Variants in BRCA2 observed in about 807,000 individuals in gnomAD.
The protein encoded by BRCA2 is BRCA2 DNA repair associated.
In BRCA2, 203 loss-of-function variants were observed where a neutral mutation model predicts 276.7. The observed-to-expected ratio is 0.73, with a 90% confidence interval of 0.65 to 0.82. The LOEUF (loss-of-function observed/expected upper bound fraction) is 0.82. BRCA2 is among the 40% of genes least tolerant of loss of function. BRCA2 has a pLI of 0.00. For synonymous variants in BRCA2, 1,289 were observed against 1,338.4 expected (o/e 0.96, Z 0.81); for missense variants, 3,920 against 3,915.0 (o/e 1.00, Z -0.03).
chr13:32,336,748 T>C lies in BRCA2; in HGVS notation c.2393T>C (p.Leu798Pro), dbSNP rs759389988. 6.2e-7 allele frequency: 1 copy of C among 1,613,708 alleles called. No homozygotes were observed. Among genetic ancestry groups the C allele is most frequent in the Non-Finnish European group, 8.5e-7 (1 of 1,179,860 alleles). The change falls in exon 11 of 27, where the codon CTC becomes CCC. Residue 798 changes from leucine to proline, a missense_variant. By Grantham distance (98) the Leu-to-Pro change is moderately conservative. This residue lies in a region of BRCA2 where 3,263 missense variants were observed against 3,156.9 expected (regional missense o/e 1.03). Coordinates refer to ENST00000380152, the MANE Select transcript of BRCA2 (RefSeq NM_000059.4). ...GAATCATACAAAATGTCAGACAAGC[T>C]CAAAGGTAACAATTATGAATCTGAT... is the stretch of plus-strand genomic sequence containing the variant. Reference protein sequence around the residue: ...GKESYKMSDKLKGNNYESDVE... With the variant: ...GKESYKMSDKPKGNNYESDVE...
At chr13:32,374,253 A>C (rs900708176) in intron 20 of BRCA2, among the ~76,000 whole-genome samples, 1 of 150,722 alleles carries the variant, frequency 6.6e-6, no homozygotes, top group Non-Finnish European at 1.5e-5. Flanking sequence ...CCTTGGAGAC[A>C]CTGTCTCCAT....
intron 8 of BRCA2, among the ~76,000 whole-genome samples, chr13:32,330,486 T>C (rs772367273): frequency 7.2e-5 from 11 of 152,224 alleles, no homozygotes; most frequent in Non-Finnish European, 1.3e-4. Context: ...TTGGGGCCAT[T>C]GTTAAGTAAA....
At chr13:32,383,924 C>G (rs1324776436) in intron 24 of BRCA2, among the ~76,000 whole-genome samples, 1 of 151,968 alleles carries the variant, frequency 6.6e-6, no homozygotes, top group Non-Finnish European at 1.5e-5. Context: ...AGGACATGAT[C>G]ATTTAGGAAG....
intron 20 of BRCA2, chr13:32,375,229 A>T: frequency 3.1e-6 from 1 of 323,652 alleles, no homozygotes; most frequent in South Asian, 2.5e-5. Flanking sequence ...ACAGAGCCAA[A>T]TCGTATGAAG....
At chr13:32,365,466 C>T (rs756863238) in intron 18 of BRCA2, among the ~76,000 whole-genome samples, 8 of 152,012 alleles carry the variant, frequency 5.3e-5, no homozygotes, top group South Asian at 2.1e-4. Context: ...CTGCAACCTC[C>T]GCCTCTCGGG....
At position 32,372,908 on chromosome 13, in the gene BRCA2, G is replaced by C. The variant is rs374089499; in HGVS notation, c.8632+1808G>C. 2.0e-5 allele frequency among the ~76,000 whole-genome samples: 3 copies of C among 151,922 alleles called. No individual in the cohort carries two copies. In the South Asian group the frequency reaches 6.2e-4, roughly 32 times the overall value. ...ATGGGGGTACAGGCATTGGGTAAATGTTCCCATCTCAAGTGGGAGAAATTG... is the reference window on the plus strand; with the variant it reads ...ATGGGGGTACAGGCATTGGGTAAATCTTCCCATCTCAAGTGGGAGAAATTG... On this transcript the variant is annotated intron_variant, in intron 20 of 26. Coordinates refer to ENST00000380152, the MANE Select transcript of BRCA2 (RefSeq NM_000059.4).
Position 32,329,344 on chromosome 13 carries a change from A to G in BRCA2, c.632-99A>G, listed in dbSNP as rs55989446. ...CAATTCATTTTGTTTCAAATGTGTC[A>G]TGTAATCAAATAGTAGATGTGCTTT... On this transcript the variant is annotated intron_variant, in intron 7 of 26. Transcript: ENST00000380152. The G allele has an allele frequency of 4.9e-5, 38 of 783,390 alleles. No homozygotes were observed. The East Asian group carries it at 8.6e-4, about 18-fold the overall frequency. The allele number at this position is 783,390 out of a possible 1,614,324, so 48.5% of individuals were successfully genotyped here.
Position 32,351,239 on chromosome 13 carries a change from C to T in BRCA2, c.7008-3622C>T, listed in dbSNP as rs138010790. Among the ~76,000 whole-genome samples, 537 of 152,298 alleles carry T rather than the reference C, an allele frequency of 3.5e-3. 1 individual carries two copies. Among genetic ancestry groups the T allele is most frequent in the Non-Finnish European group, 5.3e-3 (360 of 68,026 alleles). On this transcript the variant is annotated intron_variant, in intron 13 of 26. Transcript: ENST00000380152. ...CTGTAACACTCACCACGAAGGTCTG[C>T]GGCTTCACTCCTGAAGTCAGCAAGA...
chr13:32,365,721 C>CTTTTTTTTTTTTTTTTTTTTTTTGTTT (rs36116910), intron 18 of BRCA2, among the ~76,000 whole-genome samples: 1 of 105,882 alleles, frequency 9.4e-6, no homozygotes, highest in Non-Finnish European at 1.9e-5. Flanking sequence ...ACTTTGGTGT[C>CTTTTTTTTTTTTTTTTTTTTTTTGTTT]TTTTTTTTTT....
intron 26 of BRCA2, 44 bp from the exon 27 acceptor site, chr13:32,398,117 GT>G: frequency 6.4e-7 from 1 of 1,558,262 alleles, no homozygotes; most frequent in Non-Finnish European, 8.7e-7. Context: ...AGTTTTTTAT[GT>G]TACTACATAA....
At chr13:32,318,942 T>C in intron 2 of BRCA2, 135 bp from the exon 3 acceptor site, 2 of 1,193,434 alleles carry the variant, frequency 1.7e-6, no homozygotes, top group Non-Finnish European at 2.3e-6. Context: ...TGATCTTGTT[T>C]AATTAATATG....
In BRCA2 at chr13:32,332,459, G is replaced by A. The variant is rs751890878; in HGVS notation, c.981G>A (p.Lys327=). The change falls in exon 10 of 27, where the codon AAG becomes AAA. Residue 327 remains lysine (K), a synonymous_variant. Transcript: ENST00000380152. ...ATCTACAAAAAGTAAGAACTAGCAA[G>A]ACTAGGAAAAAAATTTTCCATGAAG... is the stretch of plus-strand genomic sequence containing the variant. ...TKNLQKVRTS[K]TRKKIFHEAN... is the part of the protein sequence containing the mutation. The A allele has an allele frequency of 6.9e-6, 11 of 1,593,150 alleles. No individual in the cohort carries two copies. The highest frequency in any genetic ancestry group is 1.4e-5 in the African/African-American group (1 of 73,570).
intron 7 of BRCA2, 67 bp downstream of exon 7, chr13:32,326,680 T>C (rs1008404538): frequency 1.6e-6 from 2 of 1,213,148 alleles, no homozygotes; most frequent in Non-Finnish European, 2.4e-6. Flanking sequence ...TCTCTAATAC[T>C]TCTGTTAAAA....
rs757501907 is a variant in BRCA2, at chr13:32,363,455, T to G, written c.8253T>G (p.Ile2751Met). 3 of 1,614,030 alleles carry G rather than the reference T, an allele frequency of 1.9e-6. No homozygotes were observed. The highest frequency in any genetic ancestry group is 2.7e-5 in the African/African-American group (2 of 74,916). ...KNGRLTVGQK[I>M]ILHGAELVGS... ...GCAGACTGACAGTTGGTCAGAAGAT[T>G]ATTCTTCATGGAGCAGAACTGGTGG... The change falls in exon 18 of 27, where the codon ATT becomes ATG. Residue 2751 changes from isoleucine (I) to methionine (M), a missense_variant. Ile to Met is a conservative substitution (Grantham distance 10). Coordinates refer to ENST00000380152, the MANE Select transcript of BRCA2 (RefSeq NM_000059.4).
intron 25 of BRCA2, chr13:32,395,970 T>C (rs1283682909): frequency 2.8e-5 from 7 of 248,740 alleles, no homozygotes; most frequent in South Asian, 1.1e-4. Flanking sequence ...CTTTTTTTTT[T>C]TTTTTTTTTT....
chr13:32,350,949 G>A (rs1033654693), intron 13 of BRCA2, among the ~76,000 whole-genome samples: 5 of 151,992 alleles, frequency 3.3e-5, no homozygotes, highest in East Asian at 1.9e-4. Flanking sequence ...ACCAATCAGC[G>A]CTCTGTGTCT....
chr13:32,317,068 G>A (rs1342121129), intron 2 of BRCA2, among the ~76,000 whole-genome samples: 1 of 152,088 alleles, frequency 6.6e-6, no homozygotes, highest in Admixed American at 6.6e-5. Context: ...GTGTGGTGGT[G>A]CGTGCCTGTA....
chr13:32,354,659 T>C (rs975560157), intron 13 of BRCA2, among the ~76,000 whole-genome samples: 1 of 152,130 alleles, frequency 6.6e-6, no homozygotes, highest in African/African-American at 2.4e-5. Flanking sequence ...TCTTCTATTA[T>C]GTGTTATGTG....
intron 2 of BRCA2, 33 bp downstream of exon 2, chr13:32,316,560 A>G: frequency 6.4e-7 from 1 of 1,572,850 alleles, no homozygotes; most frequent in African/African-American, 1.4e-5. Context: ...TTTATAAATT[A>G]CACCGAGAAA....
Sources: allele counts gnomAD v4.1 joint callset (sites outside exome capture counted in the v4.1 genomes callset), GRCh38; gene constraint gnomAD v4.1.1; regional missense constraint gnomAD v4.1.1; transcripts MANE v1.5; gene names NCBI Gene and HGNC (gene_info 2026-07-23, HGNC 2026-07-21).